WDR45B: variants seen among roughly 807,000 people sequenced by gnomAD.
WDR45B encodes WD repeat domain 45B.
In WDR45B, 20 loss-of-function variants were observed where a neutral mutation model predicts 44.6. The observed-to-expected ratio is 0.45, with a 90% CI of 0.32 to 0.65. The LOEUF (loss-of-function observed/expected upper bound fraction) is 0.65, where lower values mean the gene tolerates loss of function less well. WDR45B is among the 30% of genes least tolerant of loss of function. The pLI is 0.05. For synonymous variants in WDR45B, 169 were observed against 164.9 expected (o/e 1.02, Z -0.19); for missense variants, 323 against 430.2 (o/e 0.75, Z 2.20).
At chr17:82,626,768 C>G (rs1303043301) in intron 4 of WDR45B, 9 of 248,716 alleles carry the variant, frequency 3.6e-5, no homozygotes, top group Middle Eastern at 1.7e-3. Flanking sequence ...CTGACAGAAC[C>G]ACCTGCTACT....
chr17:82,640,870 T>C (rs977645299), intron 2 of WDR45B, among the ~76,000 whole-genome samples: 1 of 152,104 alleles, frequency 6.6e-6, no homozygotes, highest in Non-Finnish European at 1.5e-5. Flanking sequence ...ACAGCCGAGC[T>C]GGCAGACGCA....
In WDR45B at chr17:82,648,293, G is replaced by A. The variant is rs531112171; in HGVS notation, c.48C>T (p.Ala16=). The A allele has an allele frequency of 1.4e-5, 22 of 1,606,820 alleles. No homozygotes were observed. In the African/African-American group the frequency reaches 1.6e-4, roughly 12 times the overall value. Residue 16 remains alanine, a synonymous_variant, in exon 1 of 10, where the codon GCC becomes GCT. Coordinates refer to ENST00000392325, the MANE Select transcript of WDR45B (RefSeq NM_019613.4). ...CCTCACCGTGGTCCTGGTTGAAGCC[G>A]GCGTAGAGCAGCCCGTTGCCGTGAG... is the stretch of plus-strand genomic sequence containing the variant. ...CNPHGNGLLY[A]GFNQDHGCFA...
At chr17:82,619,200 AT>A in intron 6 of WDR45B, 72 bp from the exon 7 acceptor site, 2 of 1,410,726 alleles carry the variant, frequency 1.4e-6, no homozygotes, top group Non-Finnish European at 2.0e-6. Flanking sequence ...AATGACTCAC[AT>A]TCACAAATCC....
chr17:82,639,259 C>A (rs1406599985), intron 2 of WDR45B, among the ~76,000 whole-genome samples: 1 of 151,986 alleles, frequency 6.6e-6, no homozygotes, highest in Admixed American at 6.6e-5. Context: ...ATTCTTACCG[C>A]ATGAAGCACC....
chr17:82,641,904 A>G (rs911383796), intron 2 of WDR45B, among the ~76,000 whole-genome samples: 8 of 152,068 alleles, frequency 5.3e-5, no homozygotes, highest in African/African-American at 1.9e-4. Context: ...TCAGAGATAG[A>G]TATGTATATA....
chr17:82,639,229 G>C (rs1345875583), intron 2 of WDR45B, among the ~76,000 whole-genome samples: 2 of 151,902 alleles, frequency 1.3e-5, no homozygotes, highest in African/African-American at 4.9e-5. Flanking sequence ...CTCCAAATGA[G>C]GATTCAGATT....
intron 3 of WDR45B, chr17:82,629,477 T>C (rs2045740852): frequency 3.0e-6 from 3 of 984,766 alleles, no homozygotes; most frequent in Non-Finnish European, 3.6e-6. Flanking sequence ...TCTGCCCCTC[T>C]GGGCTATGCT....
intron 9 of WDR45B, 116 bp from the exon 10 acceptor site, chr17:82,616,141 G>A (rs1667954722): frequency 2.1e-6 from 2 of 969,020 alleles, no homozygotes; most frequent in Non-Finnish European, 1.6e-6. Context: ...TGCTCTGAAA[G>A]CCCTGAAAGG....
At chr17:82,639,428 A>G (rs2045880210) in intron 2 of WDR45B, among the ~76,000 whole-genome samples, 1 of 151,976 alleles carries the variant, frequency 6.6e-6, no homozygotes, top group Non-Finnish European at 1.5e-5. Flanking sequence ...ATTACTCCAC[A>G]AGGCTCTACC....
intron 9 of WDR45B, 119 bp from the exon 10 acceptor site, chr17:82,616,144 C>T: frequency 1.0e-6 from 1 of 978,374 alleles, no homozygotes; most frequent in Admixed American, 2.0e-5. Context: ...TCTGAAAGCC[C>T]TGAAAGGCCC....
intron 5 of WDR45B, 139 bp from the exon 6 acceptor site, chr17:82,621,938 A>AT (rs1358494879): frequency 3.8e-6 from 4 of 1,052,482 alleles, no homozygotes; most frequent in Non-Finnish European, 5.7e-6. Flanking sequence ...CAATTTAAAG[A>AT]TTTTTCATTG....
chr17:82,624,363 G>C (rs1568005261), intron 5 of WDR45B, among the ~76,000 whole-genome samples: 1 of 152,212 alleles, frequency 6.6e-6, no homozygotes, highest in Non-Finnish European at 1.5e-5. Flanking sequence ...CCGGGTTCAA[G>C]CAATTCTCCT....
At chr17:82,634,593 C>T (rs972654160) in intron 2 of WDR45B, among the ~76,000 whole-genome samples, 1 of 152,020 alleles carries the variant, frequency 6.6e-6, no homozygotes, top group Non-Finnish European at 1.5e-5. Flanking sequence ...GATACCCGCA[C>T]ACCCACGCTT....
At chr17:82,628,702 AAC>A (rs1000434233) in intron 3 of WDR45B, among the ~76,000 whole-genome samples, 2 of 149,414 alleles carry the variant, frequency 1.3e-5, no homozygotes, top group African/African-American at 4.9e-5. Context: ...GTCTCAAAAA[AAC>A]ACACAAAAAA....
In WDR45B at chr17:82,616,044, A is replaced by G; in HGVS notation, c.929-19T>C. 1 of 1,605,016 alleles carries G rather than the reference A, an allele frequency of 6.2e-7. No individual in the cohort carries two copies. Among genetic ancestry groups the G allele is most frequent in the Non-Finnish European group, 8.5e-7 (1 of 1,172,546 alleles). ...CAAATTGCTGGGATAGAAGGAGACC[A>G]TTTTACCTGTGTGTTTCTTTCCCTC... On this transcript the variant is annotated intron_variant, in intron 9 of 9. Transcript: ENST00000392325.
At chr17:82,634,478 C>A (rs1008388046) in intron 2 of WDR45B, among the ~76,000 whole-genome samples, 1 of 149,922 alleles carries the variant, frequency 6.7e-6, no homozygotes, top group Non-Finnish European at 1.5e-5. Context: ...GGCGACAGGG[C>A]GAGACTCTGT....
At chr17:82,629,905 G>C (rs1419187972) in intron 3 of WDR45B, 1 of 985,094 alleles carries the variant, frequency 1.0e-6, no homozygotes, top group African/African-American at 1.7e-5. Flanking sequence ...CGCCCCCAGA[G>C]CCCCATCCTG....
In WDR45B at chr17:82,621,786, A is replaced by T. The variant is rs773643004; in HGVS notation, c.441T>A (p.Leu147=). ...GGAGGGAGTTGTTACTATTGGGACA[A>T]AGGACACAGAGGCCTGCGTGGAGAC... ...TCYNPKGLCV[L]CPNSNNSLLA... Residue 147 remains leucine (L), a synonymous_variant, in exon 6 of 10, where the codon CTT becomes CTA. Transcript: ENST00000392325. 9 of 1,614,148 alleles carry T rather than the reference A, an allele frequency of 5.6e-6. No homozygotes were observed. The South Asian group carries it at 9.9e-5, about 18-fold the overall frequency.
intron 6 of WDR45B, 55 bp from the exon 7 acceptor site, chr17:82,619,183 T>C (rs1273037564): frequency 2.6e-6 from 4 of 1,543,858 alleles, no homozygotes; most frequent in African/African-American, 2.7e-5. Context: ...TTTTCGTTAG[T>C]TTTTGAAATG....
Sources: gnomAD v4.1 joint callset for allele counts (sites outside exome capture counted in the v4.1 genomes callset) on GRCh38, gnomAD v4.1.1 for gene constraint, MANE v1.5 for transcripts, NCBI Gene and HGNC (gene_info 2026-07-23, HGNC 2026-07-21) for gene names.